The following ARHGAP22 variants were observed in gnomAD, a reference collection of about 807,000 sequenced individuals.
ARHGAP22 encodes the protein Rho GTPase activating protein 22.
A neutral mutation model predicts 59.1 loss-of-function variants in ARHGAP22; 48 were observed. The observed-to-expected ratio is 0.81, with a 90% CI of 0.64 to 1.03. The LOEUF (loss-of-function observed/expected upper bound fraction) is 1.03. Ranked by LOEUF, ARHGAP22 falls within the 50% of genes least tolerant of loss-of-function variation. The pLI is 0.00. For synonymous variants in ARHGAP22, 445 were observed against 416.4 expected, an observed-to-expected ratio of 1.07 and a Z score of -0.84; for missense variants, 1,015 against 958.7, an observed-to-expected ratio of 1.06 and a Z score of -0.78.
intron 2 of ARHGAP22, among the ~76,000 whole-genome samples, chr10:48,559,609 T>G (rs2057553387): frequency 6.6e-6 from 1 of 152,262 alleles, no homozygotes; most frequent in Admixed American, 6.5e-5. Context: ...CATTGCATGG[T>G]CATTAAGTGC....
In ARHGAP22 at chr10:48,582,945, C is replaced by T; in HGVS notation, c.234+8G>A. The T allele has an allele frequency of 6.2e-7, 1 of 1,614,166 alleles. No individual in the cohort carries two copies. The highest frequency in any genetic ancestry group is 8.5e-7 in the Non-Finnish European group (1 of 1,179,968). Reference sequence around the variant, plus strand: ...ATGCCCACGGCACACCGGACATGCACTTCTCACCTGGGGCTTGATCTCATC... The same window carrying T: ...ATGCCCACGGCACACCGGACATGCATTTCTCACCTGGGGCTTGATCTCATC... On this transcript the variant is annotated splice_region_variant and intron_variant, in intron 2 of 9. Coordinates refer to ENST00000249601, the MANE Select transcript of ARHGAP22 (RefSeq NM_021226.4).
intron 1 of ARHGAP22, among the ~76,000 whole-genome samples, chr10:48,593,697 A>C (rs2059902229): frequency 6.6e-6 from 1 of 152,280 alleles, no homozygotes; most frequent in Admixed American, 6.5e-5. Flanking sequence ...TCAGAACAGC[A>C]TACAATTTAA....
At chr10:48,460,903 T>G (rs916053050) in intron 4 of ARHGAP22, among the ~76,000 whole-genome samples, 1 of 152,232 alleles carries the variant, frequency 6.6e-6, no homozygotes, top group African/African-American at 2.4e-5. Flanking sequence ...TACTGTGTTA[T>G]TCCCCTTATA....
chr10:48,534,326 T>C (rs1156704120), intron 3 of ARHGAP22, among the ~76,000 whole-genome samples: 2 of 152,322 alleles, frequency 1.3e-5, no homozygotes. Context: ...ACAAAGCCCA[T>C]TGTCCTTTCC....
intron 2 of ARHGAP22, among the ~76,000 whole-genome samples, chr10:48,572,183 T>C (rs541390532): frequency 6.6e-6 from 1 of 151,830 alleles, no homozygotes; most frequent in East Asian, 1.9e-4. Flanking sequence ...CCAAGGCCAT[T>C]CCAACCAACC....
At chr10:48,553,833 G>A (rs2057093504) in intron 3 of ARHGAP22, among the ~76,000 whole-genome samples, 1 of 152,154 alleles carries the variant, frequency 6.6e-6, no homozygotes, top group Non-Finnish European at 1.5e-5. Flanking sequence ...GGCCTATGGA[G>A]CACACACTCA....
At chr10:48,613,172 T>TTTTAAGGCTCTCTTGTGTG (rs1438593203) in intron 1 of ARHGAP22, among the ~76,000 whole-genome samples, 3 of 152,230 alleles carry the variant, frequency 2.0e-5, no homozygotes, top group Admixed American at 2.0e-4. Flanking sequence ...GTGACTCTTC[T>TTTTAAGGCTCTCTTGTGTG]TTTAAGGCTC....
At chr10:48,652,065 G>C (rs1301970453) in intron 1 of ARHGAP22, among the ~76,000 whole-genome samples, 1 of 152,164 alleles carries the variant, frequency 6.6e-6, no homozygotes, top group Non-Finnish European at 1.5e-5. Flanking sequence ...GGTGGGGTTT[G>C]TGCCATCAGC....
intron 3 of ARHGAP22, among the ~76,000 whole-genome samples, chr10:48,547,437 T>C (rs926013169): frequency 6.6e-6 from 1 of 152,168 alleles, no homozygotes; most frequent in African/African-American, 2.4e-5. Flanking sequence ...AGGAGCCCAG[T>C]GGGAGGGAAG....
In ARHGAP22 at chr10:48,455,675, G is replaced by T. The variant is rs1247371591; in HGVS notation, c.660-541C>A. Among the ~76,000 whole-genome samples the T allele has an allele frequency of 1.6e-4, 24 of 152,216 alleles. 1 individual carries two copies. The highest frequency in any genetic ancestry group is 1.6e-3 in the Admixed American group (24 of 15,286). On this transcript the variant is annotated intron_variant, in intron 5 of 9. Transcript: ENST00000249601. ...GTGGGAGCTGCCTGCTCTGCGGTAG[G>T]AACAGCTATCCTGCAGGCCCTCCAT...
At chr10:48,492,094 A>G (rs1197834388) in intron 3 of ARHGAP22, among the ~76,000 whole-genome samples, 5 of 152,212 alleles carry the variant, frequency 3.3e-5, no homozygotes, top group African/African-American at 1.2e-4. Flanking sequence ...CAACTTTTCC[A>G]TATAAACATT....
intron 1 of ARHGAP22, among the ~76,000 whole-genome samples, chr10:48,643,082 A>G (rs886953766): frequency 8.5e-5 from 13 of 152,142 alleles, no homozygotes; most frequent in African/African-American, 2.7e-4. Flanking sequence ...TAAAAAGTCA[A>G]GAAACAACAG....
At chr10:48,629,945 T>A (rs1482567387) in intron 1 of ARHGAP22, among the ~76,000 whole-genome samples, 2 of 152,226 alleles carry the variant, frequency 1.3e-5, no homozygotes, top group Non-Finnish European at 2.9e-5. Context: ...AATATTTCAT[T>A]CTTTTGGTGC....
intron 3 of ARHGAP22, among the ~76,000 whole-genome samples, chr10:48,535,666 G>A (rs1457170522): frequency 6.6e-6 from 1 of 152,236 alleles, no homozygotes; most frequent in Non-Finnish European, 1.5e-5. Context: ...TGCTGTAAGG[G>A]ACAGTCAGAA....
At chr10:48,501,895 C>T (rs2051562810) in intron 3 of ARHGAP22, among the ~76,000 whole-genome samples, 1 of 152,198 alleles carries the variant, frequency 6.6e-6, no homozygotes. Context: ...CCCAGGCTAG[C>T]TCCCAGAAGA....
At chr10:48,619,839 T>C (rs1418466381) in intron 1 of ARHGAP22, among the ~76,000 whole-genome samples, 2 of 151,800 alleles carry the variant, frequency 1.3e-5, no homozygotes, top group Non-Finnish European at 2.9e-5. Flanking sequence ...GAAGAAAAAA[T>C]AGACAAATAA....
intron 2 of ARHGAP22, among the ~76,000 whole-genome samples, chr10:48,580,120 G>A (rs988650227): frequency 6.6e-6 from 1 of 152,202 alleles, no homozygotes; most frequent in Non-Finnish European, 1.5e-5. Flanking sequence ...GCTGGCATCT[G>A]CTGGGAGATA....
intron 4 of ARHGAP22, among the ~76,000 whole-genome samples, chr10:48,477,203 G>A (rs1484940854): frequency 3.9e-5 from 6 of 151,962 alleles, no homozygotes; most frequent in Non-Finnish European, 7.4e-5. Context: ...ATATTCTGTT[G>A]CCTATCTATC....
intron 3 of ARHGAP22, among the ~76,000 whole-genome samples, chr10:48,497,279 G>C (rs920431473): frequency 1.3e-5 from 2 of 152,208 alleles, no homozygotes; most frequent in Non-Finnish European, 2.9e-5. Context: ...TCTCCCCAGG[G>C]TAGGCCTTGG....
Sources: gnomAD v4.1 joint callset for allele counts (sites outside exome capture counted in the v4.1 genomes callset) on GRCh38, gnomAD v4.1.1 for gene constraint, MANE v1.5 for transcripts, NCBI Gene and HGNC (gene_info 2026-07-23, HGNC 2026-07-21) for gene names.